The following SPATA1 variants were observed in gnomAD, a reference collection of about 807,000 sequenced individuals.
SPATA1 encodes the protein spermatogenesis-associated protein 1.
Under a neutral mutation model 59.6 loss-of-function variants are expected in SPATA1, and 57 were observed. That is an observed-to-expected ratio of 0.96 (90% CI 0.77 to 1.19). SPATA1 has a LOEUF of 1.19. Ranked by LOEUF, SPATA1 falls within the 50% of genes most tolerant of loss-of-function variation. The pLI is 0.00. For missense variants in SPATA1, 448 were observed against 480.7 expected (o/e 0.93, Z 0.64); for synonymous variants, 147 against 163.9 (o/e 0.90, Z 0.79).
intron 8 of SPATA1, among the ~76,000 whole-genome samples, chr1:84,538,211 C>A (rs192051987): frequency 2.0e-5 from 3 of 152,326 alleles, no homozygotes; most frequent in Admixed American, 6.5e-5. Context: ...TACATCCTCT[C>A]TTTATTAGAA....
downstream of SPATA1, among the ~76,000 whole-genome samples, chr1:84,557,344 C>T (rs1309633144): frequency 6.6e-6 from 1 of 151,762 alleles, no homozygotes; most frequent in Non-Finnish European, 1.5e-5. Flanking sequence ...ACCAGCCTGG[C>T]CAACATGGTG....
At chr1:84,559,953 C>T (rs1264475405) in intron 4 of SPATA1, among the ~76,000 whole-genome samples, 10 of 151,478 alleles carry the variant, frequency 6.6e-5, no homozygotes, top group Admixed American at 2.6e-4. Context: ...GGCATAGTGG[C>T]GGGCACCTGT....
At chr1:84,519,611 A>G (rs1682937175) in intron 2 of SPATA1, among the ~76,000 whole-genome samples, 1 of 152,112 alleles carries the variant, frequency 6.6e-6, no homozygotes, top group East Asian at 1.9e-4. Context: ...TAAGTGCTCT[A>G]GTGTTCAAAA....
intron 6 of SPATA1, chr1:84,527,733 T>C (rs1035206327): frequency 1.8e-5 from 2 of 108,940 alleles, no homozygotes; most frequent in African/African-American, 6.6e-5. Context: ...ATGAGCAACA[T>C]TTTTTTTTCT....
intron 8 of SPATA1, among the ~76,000 whole-genome samples, chr1:84,538,073 A>G (rs1041135005): frequency 3.3e-5 from 5 of 152,218 alleles, no homozygotes; most frequent in Non-Finnish European, 5.9e-5. Flanking sequence ...GTTTTGTGCC[A>G]TGATCAAAAC....
At chr1:84,544,134 C>T (rs896561303) in intron 8 of SPATA1, 68 bp from the exon 9 acceptor site, 49 of 1,047,964 alleles carry the variant, frequency 4.7e-5, no homozygotes, top group Middle Eastern at 2.0e-4. Flanking sequence ...TTATCAAATA[C>T]CTACGGGCAA....
At chr1:84,519,061 T>TG (rs971465540) in intron 2 of SPATA1, among the ~76,000 whole-genome samples, 86 of 152,152 alleles carry the variant, frequency 5.7e-4, no homozygotes, top group African/African-American at 1.8e-3. Flanking sequence ...ATGAGGTACT[T>TG]GCCACAGATG....
At chr1:84,520,840 A>G in intron 3 of SPATA1, 149 bp downstream of exon 3, 1 of 625,556 alleles carries the variant, frequency 1.6e-6, no homozygotes, top group Non-Finnish European at 2.8e-6. Context: ...AATACTATCA[A>G]TATATAGTGC....
chr1:84,520,238 G>A, intron 2 of SPATA1: 1 of 208,472 alleles, frequency 4.8e-6, no homozygotes, highest in South Asian at 8.5e-5. Context: ...ATGGAACTGA[G>A]TAGGTGGGGA....
At chr1:84,543,086 C>T (rs1327145598) in intron 8 of SPATA1, among the ~76,000 whole-genome samples, 2 of 152,018 alleles carry the variant, frequency 1.3e-5, no homozygotes, top group Non-Finnish European at 1.5e-5. Context: ...AATGTGGCCT[C>T]TCTCTCTCTA....
At chr1:84,522,260 A>C (rs1416779036) in intron 3 of SPATA1, 130 bp from the exon 4 acceptor site, 3 of 446,286 alleles carry the variant, frequency 6.7e-6, no homozygotes, top group Non-Finnish European at 1.2e-5. Flanking sequence ...TGGAAACATA[A>C]TATGTTAAGC....
intron 1 of SPATA1, among the ~76,000 whole-genome samples, chr1:84,510,811 C>T (rs1000090045): frequency 6.6e-6 from 1 of 152,152 alleles, no homozygotes; most frequent in African/African-American, 2.4e-5. Context: ...TACAAATAAA[C>T]AATGGAGTAC....
intron 8 of SPATA1, among the ~76,000 whole-genome samples, chr1:84,538,220 A>AACAAATTATT (rs1683777355): frequency 6.6e-6 from 1 of 152,228 alleles, no homozygotes; most frequent in Admixed American, 6.5e-5. Context: ...TCTTTATTAG[A>AACAAATTATT]ACAAATTATT....
chr1:84,515,617 T>G (rs956527854), intron 1 of SPATA1, among the ~76,000 whole-genome samples: 9 of 152,096 alleles, frequency 5.9e-5, no homozygotes, highest in Non-Finnish European at 1.3e-4. Context: ...TATTTTTTAG[T>G]TTTTCTTATA....
At chr1:84,554,868 A>G, downstream of SPATA1, 2 of 725,642 alleles carry the variant, frequency 2.8e-6, no homozygotes, top group South Asian at 4.1e-5. Flanking sequence ...TCAAACAATC[A>G]AAACATTTAT....
At chr1:84,537,206 C>T (rs528324255) in intron 8 of SPATA1, among the ~76,000 whole-genome samples, 1 of 152,146 alleles carries the variant, frequency 6.6e-6, no homozygotes, top group South Asian at 2.1e-4. Context: ...ATGACAGTAT[C>T]CCCGAAGAAG....
rs193175459 is a variant in SPATA1, at chr1:84,524,873, T to C, written c.262-823T>C. ...TTAATATCTGGTTTCCCAAGTAGAA[T>C]ATAACCTCCATGAAAGCAGAGATTT... On this transcript the variant is annotated intron_variant, in intron 4 of 12. Coordinates refer to ENST00000490879, the Ensembl canonical transcript of SPATA1. 4.2e-3 allele frequency among the ~76,000 whole-genome samples: 647 copies of C among 152,326 alleles called. 10 individuals are homozygous for C. Among genetic ancestry groups the C allele is most frequent in the Non-Finnish European group, 4.5e-3 (304 of 68,028 alleles).
chr1:84,513,810 T>TACTA (rs1682677809), intron 1 of SPATA1, among the ~76,000 whole-genome samples: 1 of 151,966 alleles, frequency 6.6e-6, no homozygotes, highest in African/African-American at 2.4e-5. Flanking sequence ...ATGGCTATGA[T>TACTA]ACTAACTGAT....
chr1:84,565,964 A>G (rs1470896427), exon 5 of SPATA1: 1 of 1,594,560 alleles, frequency 6.3e-7, no homozygotes, highest in African/African-American at 1.4e-5. Flanking sequence ...GTATAATTAT[A>G]GCATCTTCTG....
Sources: allele counts gnomAD v4.1 joint callset (sites outside exome capture counted in the v4.1 genomes callset), GRCh38; gene constraint gnomAD v4.1.1; transcripts MANE v1.5; gene names NCBI Gene and HGNC (gene_info 2026-07-23, HGNC 2026-07-21).